Variants in HSPG2 observed in about 807,000 individuals in gnomAD.
The protein encoded by HSPG2 is basement membrane-specific heparan sulfate proteoglycan core protein.
Under a neutral mutation model 526.6 loss-of-function variants are expected in HSPG2, and 278 were observed. That is an observed-to-expected ratio of 0.53 (90% CI 0.48 to 0.58). The LOEUF (loss-of-function observed/expected upper bound fraction) is 0.58, where lower values mean the gene tolerates loss of function less well. Among genes scored for constraint, HSPG2 ranks in the 20% least tolerant of loss-of-function variants. The pLI is 0.00. For synonymous variants in HSPG2, 2,465 were observed against 2,555.4 expected (o/e 0.96, Z 1.07); for missense variants, 5,354 against 6,099.5 (o/e 0.88, Z 4.07).
rs533458473 is a variant in HSPG2 at position 21,883,996 on chromosome 1, G to A, written c.1654+532C>T. ...CTGGAGGCCACCCTCAGGCCAAGGA[G>A]ATGCCAAAGCCTGGGCTCCTATAAT... On this transcript the variant is annotated intron_variant, in intron 13 of 96. Coordinates refer to ENST00000374695, the MANE Select transcript of HSPG2 (RefSeq NM_005529.7). 9.8e-5 allele frequency among the ~76,000 whole-genome samples: 15 copies of A among 152,370 alleles called. No homozygotes were observed. The East Asian group carries it at 2.3e-3, about 23-fold the overall frequency.
chr1:21,832,192 G>A (rs1216341122), intron 81 of HSPG2, among the ~76,000 whole-genome samples: 3 of 152,148 alleles, frequency 2.0e-5, no homozygotes, highest in Non-Finnish European at 2.9e-5. Flanking sequence ...GGTCTGTTTT[G>A]TTTTACCTGT....
Position 21,850,135 on chromosome 1 carries a change from C to T in HSPG2, c.7352G>A (p.Gly2451Glu), listed in dbSNP as rs1347045564. The T allele has an allele frequency of 1.2e-6, 2 of 1,613,298 alleles. No homozygotes were observed. Among genetic ancestry groups the T allele is most frequent in the Admixed American group, 1.7e-5 (1 of 60,014 alleles). The stretch of plus-strand genomic sequence containing the variant: ...GAGGCAGTTCAGGTCCAGGGTCTGC[C>T]CCTCGGCCACTTGCGAAGACGATGA... ...IESSSSQVAEGQTLDLNCLVA... is the reference protein window; with the variant it reads ...IESSSSQVAEEQTLDLNCLVA... The change falls in exon 57 of 97, where the codon GGG (glycine) becomes GAG (glutamate). Residue 2451 changes from glycine to glutamate, a missense_variant. Transcript: ENST00000374695.
rs759377826 is a variant in HSPG2 at position 21,884,815 on chromosome 1, T to G, written c.1459A>C (p.Met487Leu). ...YTCEAMNARG[M>L]VFGIPDGVLE... ...ACACCGTCAGGAATGCCAAACACCA[T>G]GCCCCGGGCGTTCATGGCCTCACAG... The change falls in exon 12 of 97, where the codon ATG (methionine) becomes CTG (leucine). Residue 487 changes from methionine (M) to leucine (L), a missense_variant. Met to Leu is a conservative substitution (Grantham distance 15). Transcript: ENST00000374695. The G allele has an allele frequency of 2.5e-6, 4 of 1,613,796 alleles. No homozygotes were observed. The highest frequency in any genetic ancestry group is 3.4e-6 in the Non-Finnish European group (4 of 1,180,002).
chr1:21,838,933 C>T lies in HSPG2; in HGVS notation c.10042G>A (p.Glu3348Lys), dbSNP rs530138013. Residue 3348 changes from glutamate (E) to lysine (K), a missense_variant, in exon 74 of 97, where the codon GAG becomes AAG. Physicochemically the swap from Glu to Lys is moderately conservative, Grantham distance 56 (BLOSUM62 1). Transcript: ENST00000374695. ...SLPGRATARN[E>K]LLHFERAAPE... ...GCTGCACGCTCAAAGTGCAGCAGCT[C>T]GTTCCTGGCGGTCGCCCTCCCAGGA... 1.1e-5 allele frequency: 18 copies of T among 1,612,292 alleles called. No homozygotes were observed. The highest frequency in any genetic ancestry group is 5.0e-5 in the Admixed American group (3 of 59,954).
Position 21,893,922 on chromosome 1 carries a change from C to T in HSPG2, c.244+2000G>A, listed in dbSNP as rs1036488308. 2.5e-4 allele frequency among the ~76,000 whole-genome samples: 37 copies of T among 148,262 alleles called. No individual in the cohort carries two copies. The highest frequency in any genetic ancestry group is 8.7e-4 in the African/African-American group (35 of 40,142). On this transcript the variant is annotated intron_variant, in intron 3 of 96. Coordinates refer to ENST00000374695, the MANE Select transcript of HSPG2 (RefSeq NM_005529.7). This position sits in a 1 kb window ranked among gnomAD's most constrained non-coding sequence, Gnocchi z 4.3. Reference sequence around the variant, plus strand: ...AGGGGAGAGAGGGAAAGACAGAGGGCGACAGAAGCAGAGATGGTGAGCCAG... The same window carrying T: ...AGGGGAGAGAGGGAAAGACAGAGGGTGACAGAAGCAGAGATGGTGAGCCAG...
intron 1 of HSPG2, among the ~76,000 whole-genome samples, chr1:21,905,615 G>A (rs1291635463): frequency 6.6e-6 from 1 of 152,204 alleles, no homozygotes; most frequent in African/African-American, 2.4e-5. Context: ...GGTGGCAGGC[G>A]CCTGTAATCC....
rs536173473 is a variant in HSPG2, at chr1:21,859,399, T to A, written c.5293+167A>T. Reference sequence around the variant, plus strand: ...AGTCAAGTCCTGCTGATCCTACCTCTAAAATGAGTCTTGAATCTGCCACCT... The same window carrying A: ...AGTCAAGTCCTGCTGATCCTACCTCAAAAATGAGTCTTGAATCTGCCACCT... On this transcript the variant is annotated intron_variant, in intron 42 of 96. Coordinates refer to ENST00000374695, the MANE Select transcript of HSPG2 (RefSeq NM_005529.7). This position sits in a 1 kb window ranked among gnomAD's most constrained non-coding sequence, Gnocchi z 5.3. Among the ~76,000 whole-genome samples the A allele has an allele frequency of 1.3e-5, 2 of 152,248 alleles. No homozygotes were observed. Among genetic ancestry groups the A allele is most frequent in the South Asian group, 4.1e-4 (2 of 4,826 alleles).
At position 21,852,208 on chromosome 1, in the gene HSPG2, C is replaced by T; in HGVS notation, c.6750G>A (p.Glu2250=). ...IPGPIPPVRI[E]SSSSTVAEGQ... ...CCTCGGCCACTGTGGAGGATGAAGA[C>T]TCGATCCTGACAGGTGGGATGGGTC... The change falls in exon 53 of 97, where the codon GAG becomes GAA. Residue 2250 remains glutamate (E), a synonymous_variant. Coordinates refer to ENST00000374695, the MANE Select transcript of HSPG2 (RefSeq NM_005529.7). 1 of 1,614,096 alleles carries T rather than the reference C, an allele frequency of 6.2e-7. No homozygotes were observed. Among genetic ancestry groups the T allele is most frequent in the South Asian group, 1.1e-5 (1 of 91,086 alleles).
rs778952815 is a variant in HSPG2, at chr1:21,833,815, C to A, written c.10830+1G>T. 7 of 1,588,764 alleles carry A rather than the reference C, an allele frequency of 4.4e-6. No homozygotes were observed. The highest frequency in any genetic ancestry group is 1.8e-5 in the Admixed American group (1 of 56,578). On this transcript the variant is annotated splice_donor_variant, in intron 78 of 96. Coordinates refer to ENST00000374695, the MANE Select transcript of HSPG2 (RefSeq NM_005529.7). LOFTEE classifies it high-confidence loss of function. ...CCGCTGGTTCCCTCTCCAGCACTTACCTTGCTCCAGCTGATGTCAGGAGTG... is the reference window on the plus strand; with the variant it reads ...CCGCTGGTTCCCTCTCCAGCACTTAACTTGCTCCAGCTGATGTCAGGAGTG...
chr1:21,830,706 A>AG (rs1440612439), intron 85 of HSPG2: 1 of 375,290 alleles, frequency 2.7e-6, no homozygotes, highest in Non-Finnish European at 4.9e-6. Context: ...AAAAAAAAAA[A>AG]AAAAAAGATG....
At chr1:21,830,302 ACT>A (rs1475401795) in intron 85 of HSPG2, 4 of 592,428 alleles carry the variant, frequency 6.8e-6, no homozygotes, top group Non-Finnish European at 1.2e-5. Flanking sequence ...CAGTCGAGGG[ACT>A]CTGTGTGTCT....
intron 3 of HSPG2, among the ~76,000 whole-genome samples, chr1:21,894,379 G>C (rs987181960): frequency 3.9e-5 from 6 of 152,040 alleles, no homozygotes; most frequent in Non-Finnish European, 8.8e-5. Context: ...AGTCTGAGTG[G>C]GCACCCTGGG....
In HSPG2 at chr1:21,865,414, G is replaced by A; in HGVS notation, c.4315-49C>T. Reference sequence around the variant, plus strand: ...GAAGGGGAGCCGAGGGGTCCCTGGGGTGCCAGGGTGTCCTCCACCAGTCCT... The same window carrying A: ...GAAGGGGAGCCGAGGGGTCCCTGGGATGCCAGGGTGTCCTCCACCAGTCCT... On this transcript the variant is annotated intron_variant, in intron 34 of 96. Coordinates refer to ENST00000374695, the MANE Select transcript of HSPG2 (RefSeq NM_005529.7). This position sits in a 1 kb window ranked among gnomAD's most constrained non-coding sequence, Gnocchi z 5.4. 2.0e-6 allele frequency: 3 copies of A among 1,529,018 alleles called. No individual in the cohort carries two copies. Among genetic ancestry groups the A allele is most frequent in the Non-Finnish European group, 2.7e-6 (3 of 1,103,414 alleles). The allele number at this position is 1,529,018 out of a possible 1,614,324, so 94.7% of individuals were successfully genotyped here. A position where few individuals can be genotyped will look rare whatever the true frequency, so the allele number is the denominator to read the frequency against.
At chr1:21,827,803 G>C (rs1057333831) in intron 91 of HSPG2, 60 bp downstream of exon 91, 24 of 1,503,992 alleles carry the variant, frequency 1.6e-5, no homozygotes, top group Non-Finnish European at 2.2e-5. Context: ...TTGAGGGTGT[G>C]GGGTAACTGG....
At position 21,857,305 on chromosome 1, in the gene HSPG2, T is replaced by C; in HGVS notation, c.5374A>G (p.Ile1792Val). Reference sequence around the variant, plus strand: ...CACACCTTGCTTTTGGCTGTGCAGATGAAGGTGACGTCAGCTCCGGGGCGC... The same window carrying C: ...CACACCTTGCTTTTGGCTGTGCAGACGAAGGTGACGTCAGCTCCGGGGCGC... ...SVRPGADVTF[I>V]CTAKSKSPAY... The change falls in exon 43 of 97, where the codon ATC becomes GTC. Residue 1792 changes from isoleucine to valine, a missense_variant. Transcript: ENST00000374695. 2 of 1,614,112 alleles carry C rather than the reference T, an allele frequency of 1.2e-6. No individual in the cohort carries two copies. Among genetic ancestry groups the C allele is most frequent in the Non-Finnish European group, 1.7e-6 (2 of 1,180,014 alleles).
In HSPG2 at chr1:21,831,231, C is replaced by A; in HGVS notation, c.11546G>T (p.Arg3849Leu). 6.2e-7 allele frequency: 1 copy of A among 1,613,874 alleles called. No individual in the cohort carries two copies. Among genetic ancestry groups the A allele is most frequent in the Non-Finnish European group, 8.5e-7 (1 of 1,179,856 alleles). ...AHGISHCPTC[R>L]DRPCQNGGQC... ...TGGGGTCACCTGGCAGGGCCGGTCC[C>A]GACAGGTGGGGCAGTGGGAGATGCC... Residue 3849 changes from arginine (R) to leucine (L), a missense_variant, in exon 84 of 97, where the codon CGG becomes CTG. Physicochemically the swap from Arg to Leu is moderately radical, Grantham distance 102. Transcript: ENST00000374695.
chr1:21,921,517 C>T (rs971693446), intron 1 of HSPG2, among the ~76,000 whole-genome samples: 1 of 152,166 alleles, frequency 6.6e-6, no homozygotes, highest in Non-Finnish European at 1.5e-5. Flanking sequence ...CTTCCCTGCC[C>T]CGCATACCCC....
At chr1:21,875,486 T>C (rs1288541633) in intron 25 of HSPG2, 143 bp downstream of exon 25, 1 of 726,644 alleles carries the variant, frequency 1.4e-6, no homozygotes, top group Non-Finnish European at 2.4e-6. Flanking sequence ...ATGGGAGACA[T>C]TGTTAAGACT....
intron 1 of HSPG2, among the ~76,000 whole-genome samples, chr1:21,923,703 G>A (rs1209885701): frequency 6.6e-6 from 1 of 152,164 alleles, no homozygotes; most frequent in Non-Finnish European, 1.5e-5. Flanking sequence ...TGTCTTCCTT[G>A]AATGTAGCCT....
Sources: allele counts gnomAD v4.1 joint callset (sites outside exome capture counted in the v4.1 genomes callset), GRCh38; gene constraint gnomAD v4.1.1; non-coding constraint Gnocchi (gnomAD v3.1); transcripts MANE v1.5; gene names NCBI Gene and HGNC (gene_info 2026-07-23, HGNC 2026-07-21).